Variants in TMEM234 observed in about 807,000 individuals in gnomAD.
TMEM234 encodes the protein transmembrane protein 234, also known as chromosome 1 open reading frame 91.
A neutral mutation model predicts 17.8 loss-of-function variants in TMEM234; 21 were observed. The observed-to-expected ratio is 1.18, with a 90% CI of 0.84 to 1.70. The LOEUF (loss-of-function observed/expected upper bound fraction) is 1.70, where lower values mean the gene tolerates loss of function less well. TMEM234 is among the 40% of genes most tolerant of loss of function. TMEM234 has a pLI of 0.00. For synonymous variants in TMEM234, 83 were observed against 73.5 expected, an observed-to-expected ratio of 1.13 and a Z score of -0.66; for missense variants, 137 against 166.9, an observed-to-expected ratio of 0.82 and a Z score of 0.99.
downstream of TMEM234, chr1:32,215,495 G>A (rs780508572): frequency 1.2e-6 from 2 of 1,613,674 alleles, no homozygotes; most frequent in Non-Finnish European, 1.7e-6. Flanking sequence ...CGGGGGCCCT[G>A]GAAGTAGCAG....
intron 3 of TMEM234, among the ~76,000 whole-genome samples, chr1:32,220,819 A>G (rs183080175): frequency 6.6e-6 from 1 of 152,336 alleles, no homozygotes; most frequent in Admixed American, 6.5e-5. Flanking sequence ...GCTCATGGTC[A>G]GGTAGGTAGC....
At chr1:32,218,046 G>A (rs1417868496) in intron 3 of TMEM234, among the ~76,000 whole-genome samples, 1 of 152,202 alleles carries the variant, frequency 6.6e-6, no homozygotes, top group African/African-American at 2.4e-5. Context: ...CTGTGGTGTG[G>A]GTAGAGGGCA....
At chr1:32,214,687 C>A (rs538249440), downstream of TMEM234, 65 of 1,484,536 alleles carry the variant, frequency 4.4e-5, no homozygotes, top group Non-Finnish European at 5.3e-5. Context: ...GACGGTGTCT[C>A]CTCTGCCATG....
chr1:32,216,099 G>A, downstream of TMEM234: 1 of 674,300 alleles, frequency 1.5e-6, no homozygotes. Context: ...CCCTGGCTGT[G>A]GGGGCTATTT....
downstream of TMEM234, chr1:32,215,466 C>T: frequency 6.2e-7 from 1 of 1,613,288 alleles, no homozygotes; most frequent in South Asian, 1.1e-5. Context: ...TGGAGCTCCC[C>T]ACCGAAGGAA....
downstream of TMEM234, chr1:32,214,747 A>G (rs939311433): frequency 6.2e-7 from 1 of 1,608,530 alleles, no homozygotes; most frequent in African/African-American, 1.3e-5. Flanking sequence ...GGAGTAGGAA[A>G]GGTAAGAATG....
In TMEM234 at chr1:32,216,479, G is replaced by A. The variant is rs1193666733; in HGVS notation, c.*374C>T. On this transcript the variant is annotated 3_prime_UTR_variant, in exon 5 of 5. Transcript: ENST00000309777. ...ATTTCTGGCTCAAAGTCTGCAGCTG[G>A]CCCTTTCCATGCAGCTGGAGTTCTG... 2 of 1,551,630 alleles carry A rather than the reference G, an allele frequency of 1.3e-6. No homozygotes were observed. The highest frequency in any genetic ancestry group is 1.2e-5 in the South Asian group (1 of 84,066).
At chr1:32,216,035 G>A (rs1383645488), downstream of TMEM234, 11 of 790,346 alleles carry the variant, frequency 1.4e-5, no homozygotes, top group East Asian at 1.1e-4. Flanking sequence ...AGCCCTCCCC[G>A]TTCTCCTGCT....
At chr1:32,215,142 A>G (rs1048462206), downstream of TMEM234, 9 of 688,114 alleles carry the variant, frequency 1.3e-5, no homozygotes, top group Admixed American at 3.3e-5. Context: ...TGACCTCATC[A>G]TAACTGTCTC....
chr1:32,216,653 C>T lies in TMEM234; in HGVS notation c.*200G>A. 2 of 1,507,924 alleles carry T rather than the reference C, an allele frequency of 1.3e-6. No homozygotes were observed. The highest frequency in any genetic ancestry group is 1.8e-6 in the Non-Finnish European group (2 of 1,123,052). The allele number at this position is 1,507,924 out of a possible 1,614,324, so 93.4% of individuals were successfully genotyped here. A position where few individuals can be genotyped will look rare whatever the true frequency, so the allele number is the denominator to read the frequency against. ...TAGAGTCTCCTGTGCTAAATCCCCG[C>T]AGCTGAACAGCACTTGAAGGTTACA... On this transcript the variant is annotated 3_prime_UTR_variant, in exon 5 of 5. Transcript: ENST00000309777.
At chr1:32,217,199 T>A in intron 4 of TMEM234, 60 bp downstream of exon 4, 1 of 1,614,036 alleles carries the variant, frequency 6.2e-7, no homozygotes, top group Non-Finnish European at 8.5e-7. Flanking sequence ...GGGAAGGAAC[T>A]AACACAGGTA....
In TMEM234 at chr1:32,222,024, T is replaced by G. The variant is rs372588566; in HGVS notation, c.17-6A>C. On this transcript the variant is annotated splice_polypyrimidine_tract_variant and splice_region_variant and intron_variant, in intron 1 of 4. Transcript: ENST00000309777. ...CACCAGAGCCAACACCTGCCCTGAATGCAGACGAGTGAGTCACCCTGACCC... is the reference window on the plus strand; with the variant it reads ...CACCAGAGCCAACACCTGCCCTGAAGGCAGACGAGTGAGTCACCCTGACCC... 7.5e-6 allele frequency: 12 copies of G among 1,607,160 alleles called. No homozygotes were observed. The African/African-American group carries it at 1.5e-4, about 20-fold the overall frequency.
downstream of TMEM234, chr1:32,215,501 A>G (rs777619000): frequency 1.1e-5 from 18 of 1,613,808 alleles, no homozygotes; most frequent in Non-Finnish European, 1.5e-5. Context: ...CCCTGGAAGT[A>G]GCAGATGATG....
In TMEM234 at chr1:32,216,448, G is replaced by A. The variant is rs922406429; in HGVS notation, c.*405C>T. 2 of 1,551,632 alleles carry A rather than the reference G, an allele frequency of 1.3e-6. No homozygotes were observed. Among genetic ancestry groups the A allele is most frequent in the Non-Finnish European group, 1.7e-6 (2 of 1,146,986 alleles). On this transcript the variant is annotated 3_prime_UTR_variant, in exon 5 of 5. Coordinates refer to ENST00000309777, the MANE Select transcript of TMEM234 (RefSeq NM_019118.5). The stretch of plus-strand genomic sequence containing the variant: ...TCTGACTGAGTCCCAGAGGCCTCCC[G>A]TTTGCATTTCTGGCTCAAAGTCTGC...
chr1:32,218,199 C>T lies in TMEM234; in HGVS notation c.236-848G>A, dbSNP rs528857945. On this transcript the variant is annotated intron_variant, in intron 3 of 4. Coordinates refer to ENST00000309777, the MANE Select transcript of TMEM234 (RefSeq NM_019118.5). ...CAGCACTTTGGGAGGCTGAGGCGGG[C>T]GGATCACCTGAGGTCAGGAGTTCAA... Among the ~76,000 whole-genome samples, 183 of 151,572 alleles carry T rather than the reference C, an allele frequency of 1.2e-3. 2 individuals are homozygous for T. The highest frequency in any genetic ancestry group is 2.8e-4 in the Non-Finnish European group (19 of 67,758).
At chr1:32,222,265 G>A in intron 1 of TMEM234, 42 bp downstream of exon 1, 2 of 1,530,734 alleles carry the variant, frequency 1.3e-6, no homozygotes, top group Non-Finnish European at 1.8e-6. Context: ...AATTCGAGGC[G>A]AGGGTCGGGA....
Position 32,216,754 on chromosome 1 carries a change from G to T in TMEM234, c.*99C>A. ...CCCCATAAGAGAGGAGGAAGCTAAG[G>T]CCAGAGAGGGGAAGTGCTAGGTCCA... On this transcript the variant is annotated 3_prime_UTR_variant, in exon 5 of 5. Coordinates refer to ENST00000309777, the MANE Select transcript of TMEM234 (RefSeq NM_019118.5). 1.9e-6 allele frequency: 3 copies of T among 1,539,626 alleles called. No homozygotes were observed. Among genetic ancestry groups the T allele is most frequent in the Non-Finnish European group, 1.8e-6 (2 of 1,138,448 alleles).
At chr1:32,220,424 T>A (rs951696358) in intron 3 of TMEM234, among the ~76,000 whole-genome samples, 2 of 152,132 alleles carry the variant, frequency 1.3e-5, no homozygotes, top group Non-Finnish European at 2.9e-5. Context: ...TGATCTGCCC[T>A]CCTTGGCCTC....
chr1:32,219,543 C>T (rs1638704632), intron 3 of TMEM234, among the ~76,000 whole-genome samples: 1 of 152,148 alleles, frequency 6.6e-6, no homozygotes, highest in Non-Finnish European at 1.5e-5. Context: ...CAGGCACACA[C>T]CACCAAGCCC....
Sources: gnomAD v4.1 joint callset for allele counts (sites outside exome capture counted in the v4.1 genomes callset) on GRCh38, gnomAD v4.1.1 for gene constraint, MANE v1.5 for transcripts, NCBI Gene and HGNC (gene_info 2026-07-23, HGNC 2026-07-21) for gene names.